EPG5: variants seen among roughly 807,000 people sequenced by gnomAD.
EPG5 encodes ectopic P granules protein 5 homolog.
Under a neutral mutation model 302.7 loss-of-function variants are expected in EPG5, and 159 were observed. That is an observed-to-expected ratio of 0.53 (90% confidence interval 0.46 to 0.60). The LOEUF is 0.60. EPG5 is among the 20% of genes least tolerant of loss of function. The pLI is 0.00. For synonymous variants in EPG5, 1,158 were observed against 1,136.8 expected (o/e 1.02, Z -0.37); for missense variants, 2,896 against 3,092.4 (o/e 0.94, Z 1.51).
chr18:45,829,350 A>G, the EPG5 span, among the ~76,000 whole-genome samples: 1 of 152,132 alleles, frequency 6.6e-6, no homozygotes, highest in East Asian at 1.9e-4. Flanking sequence ...TGACAGTTGG[A>G]ATTTCTGCTT....
intron 36 of EPG5, among the ~76,000 whole-genome samples, chr18:45,868,464 A>C (rs2048795873): frequency 6.6e-6 from 1 of 151,340 alleles, no homozygotes; most frequent in Non-Finnish European, 1.5e-5. Flanking sequence ...CAGCCTCCTG[A>C]GTAGCTGGGA....
intron 38 of EPG5, among the ~76,000 whole-genome samples, chr18:45,866,273 C>G (rs1439496376): frequency 1.3e-5 from 2 of 152,030 alleles, no homozygotes; most frequent in Non-Finnish European, 2.9e-5. Flanking sequence ...GCACCTGCCA[C>G]CATTCCCCGG....
At chr18:45,955,451 C>A in intron 1 of EPG5, 113 bp from the exon 2 acceptor site, 1 of 712,950 alleles carries the variant, frequency 1.4e-6, no homozygotes, top group Non-Finnish European at 2.2e-6. Context: ...ACAAATGAAA[C>A]CTAAATTCAC....
intron 1 of EPG5, among the ~76,000 whole-genome samples, chr18:45,965,481 T>A (rs1199914339): frequency 6.6e-6 from 1 of 152,206 alleles, no homozygotes; most frequent in Non-Finnish European, 1.5e-5. Flanking sequence ...AAGAGCATCA[T>A]AATGAAAGAA....
In EPG5 at chr18:45,955,290, A is replaced by G; in HGVS notation, c.112T>C (p.Ser38Pro). ...TPQREESSEV[S>P]LPKTSREQEI... ...TGCTCTCTGGAGGTTTTTGGAAGGGAGACTTCACTGGACTCTTCCCTCTGA... is the reference window on the plus strand; with the variant it reads ...TGCTCTCTGGAGGTTTTTGGAAGGGGGACTTCACTGGACTCTTCCCTCTGA... The change falls in exon 2 of 44, where the codon TCC (serine) becomes CCC (proline). Residue 38 changes from serine to proline, a missense_variant. Physicochemically the swap from Ser to Pro is moderately conservative, Grantham distance 74. Transcript: ENST00000282041. 6.2e-7 allele frequency: 1 copy of G among 1,613,536 alleles called. No homozygotes were observed.
chr18:45,965,362 TG>T (rs1474764500), intron 1 of EPG5, among the ~76,000 whole-genome samples: 1 of 152,192 alleles, frequency 6.6e-6, no homozygotes. Context: ...ACTCATTACC[TG>T]GGTGACAAAA....
chr18:45,899,049 C>T (rs1200189385), intron 27 of EPG5, among the ~76,000 whole-genome samples: 3 of 152,020 alleles, frequency 2.0e-5, no homozygotes, highest in African/African-American at 7.3e-5. Context: ...CACTTGAACC[C>T]GGGAGGTGGA....
In EPG5 at chr18:45,879,300, G is replaced by A. The variant is rs1188129623; in HGVS notation, c.5668-86C>T. ...ATACACTGTGATGGGGGTGTATATAGTAGGTCTTTGACTTTATAAGAGAGT... is the reference window on the plus strand; with the variant it reads ...ATACACTGTGATGGGGGTGTATATAATAGGTCTTTGACTTTATAAGAGAGT... On this transcript the variant is annotated intron_variant, in intron 32 of 43. Coordinates refer to ENST00000282041, the MANE Select transcript of EPG5 (RefSeq NM_020964.3). The A allele has an allele frequency of 7.7e-6, 7 of 904,522 alleles. No individual in the cohort carries two copies. The East Asian group carries it at 1.7e-4, about 22-fold the overall frequency. The allele number at this position is 904,522 out of a possible 1,614,324, so 56.0% of individuals were successfully genotyped here. A position where few individuals can be genotyped will look rare whatever the true frequency, so the allele number is the denominator to read the frequency against.
At chr18:45,857,612 C>G in intron 42 of EPG5, 4 of 467,422 alleles carry the variant, frequency 8.6e-6, no homozygotes, top group Non-Finnish European at 1.5e-5. Context: ...ACAGGAGATA[C>G]TATTAAAAAT....
chr18:45,861,396 T>C (rs2048630430), intron 39 of EPG5, among the ~76,000 whole-genome samples: 1 of 152,244 alleles, frequency 6.6e-6, no homozygotes, highest in Admixed American at 6.5e-5. Context: ...AGGAATAGAT[T>C]ACTACAACAG....
chr18:45,862,459 G>A (rs755549011), intron 39 of EPG5, among the ~76,000 whole-genome samples: 14 of 152,160 alleles, frequency 9.2e-5, no homozygotes, highest in Non-Finnish European at 1.6e-4. Context: ...ATGTTGAACC[G>A]TAGTCCCCAA....
At chr18:45,964,345 A>C (rs939182281) in intron 1 of EPG5, among the ~76,000 whole-genome samples, 1 of 152,202 alleles carries the variant, frequency 6.6e-6, no homozygotes, top group Non-Finnish European at 1.5e-5. Context: ...CTTTAACCTG[A>C]GTTCTCTCAC....
intron 13 of EPG5, 37 bp downstream of exon 13, chr18:45,928,832 T>C (rs1473208873): frequency 2.5e-6 from 4 of 1,594,752 alleles, no homozygotes; most frequent in Admixed American, 1.8e-5. Flanking sequence ...ACTCCAAGAT[T>C]TGAAAAAACA....
Position 45,928,925 on chromosome 18 carries a change from C to G in EPG5, c.2497G>C (p.Glu833Gln). Residue 833 changes from glutamate to glutamine, a missense_variant, in exon 13 of 44, where the codon GAG becomes CAG. Glu to Gln is a conservative substitution (Grantham distance 29, BLOSUM62 2). Around this residue, in one of 5 missense-constraint regions of EPG5, gnomAD observed 1,390 missense variants for 1,430.0 expected, o/e 0.97. Transcript: ENST00000282041. The stretch of plus-strand genomic sequence containing the variant: ...CTATCCAGAAGGACGGAAATTATCT[C>G]AGGGTGAACAGCTGTGATAGTCCCT... ...LLGTITAVHP[E>Q]IISVLLDRVQ... 1 of 1,613,980 alleles carries G rather than the reference C, an allele frequency of 6.2e-7. No individual in the cohort carries two copies. The highest frequency in any genetic ancestry group is 8.5e-7 in the Non-Finnish European group (1 of 1,179,912).
intron 25 of EPG5, among the ~76,000 whole-genome samples, chr18:45,902,271 A>G (rs1179891681): frequency 1.3e-5 from 2 of 152,260 alleles, no homozygotes; most frequent in African/African-American, 4.8e-5. Flanking sequence ...GGTCAAGTAC[A>G]GCACTATCCC....
At chr18:45,901,873 G>A (rs2049627726) in intron 25 of EPG5, among the ~76,000 whole-genome samples, 1 of 151,912 alleles carries the variant, frequency 6.6e-6, no homozygotes. Context: ...TCAAATGTTT[G>A]ATACTTCTAG....
chr18:45,802,234 G>A, the EPG5 span, among the ~76,000 whole-genome samples: 9 of 152,016 alleles, frequency 5.9e-5, no homozygotes, highest in Admixed American at 2.0e-4. Flanking sequence ...TATGACTCTG[G>A]TTCAGGCTAG....
At chr18:45,893,617 A>G (rs1372776570) in intron 27 of EPG5, among the ~76,000 whole-genome samples, 1 of 151,852 alleles carries the variant, frequency 6.6e-6, no homozygotes, top group East Asian at 1.9e-4. Context: ...CAGGGACATG[A>G]GAGTGCCCCA....
In EPG5 at chr18:45,869,970, C is replaced by T. The variant is rs1412680945; in HGVS notation, c.6225+597G>A. Reference sequence around the variant, plus strand: ...AGAAAAACAACAACAGCTCCAAATGCCTGACTAGTATGTAAGTTACACTAC... The same window carrying T: ...AGAAAAACAACAACAGCTCCAAATGTCTGACTAGTATGTAAGTTACACTAC... On this transcript the variant is annotated intron_variant, in intron 36 of 43. Transcript: ENST00000282041. Among the ~76,000 whole-genome samples, 5 of 151,936 alleles carry T rather than the reference C, an allele frequency of 3.3e-5. No individual in the cohort carries two copies. The East Asian group carries it at 5.8e-4, about 18-fold the overall frequency.
Sources: gnomAD v4.1 joint callset for allele counts (sites outside exome capture counted in the v4.1 genomes callset) on GRCh38, gnomAD v4.1.1 for gene constraint, gnomAD v4.1.1 regional missense constraint, MANE v1.5 for transcripts, NCBI Gene and HGNC (gene_info 2026-07-23, HGNC 2026-07-21) for gene names.